Variants in ARID4A observed in about 807,000 individuals in gnomAD.
The protein encoded by ARID4A is AT-rich interaction domain 4A, also known as AT-rich interactive domain-containing protein 4A.
Under a neutral mutation model 148.6 loss-of-function variants are expected in ARID4A, and 39 were observed. That is an observed-to-expected ratio of 0.26 (90% CI 0.20 to 0.34). The LOEUF (loss-of-function observed/expected upper bound fraction) is 0.34. Ranked by LOEUF, ARID4A falls within the 10% of genes least tolerant of loss-of-function variation. The pLI is 1.00. For synonymous variants in ARID4A, 475 were observed against 481.2 expected, an observed-to-expected ratio of 0.99 and a Z score of 0.17; for missense variants, 1,265 against 1,449.1, an observed-to-expected ratio of 0.87 and a Z score of 2.06.
Position 58,364,276 on chromosome 14 carries a change from T to A in ARID4A, c.2187T>A (p.Asp729Glu), listed in dbSNP as rs779800245. The A allele has an allele frequency of 1.9e-6, 3 of 1,556,882 alleles. No homozygotes were observed. Among genetic ancestry groups the A allele is most frequent in the Middle Eastern group, 1.7e-4 (1 of 5,800 alleles). The change falls in exon 20 of 24, where the codon GAT becomes GAA. Residue 729 changes from aspartate (D) to glutamate (E), a missense_variant. Around this residue, in one of 9 missense-constraint regions of ARID4A, gnomAD observed 666 missense variants for 730.9 expected, o/e 0.91. Transcript: ENST00000355431. ...DELEKNENLN[D>E]DKLDEENPKI... The stretch of plus-strand genomic sequence containing the variant: ...TAGAAAAAAATGAAAATTTGAATGA[T>A]GATAAGCTAGATGAAGAAAATCCAA...
chr14:58,308,644 TA>T (rs938549310), intron 5 of ARID4A, among the ~76,000 whole-genome samples: 5 of 152,090 alleles, frequency 3.3e-5, no homozygotes, highest in East Asian at 1.9e-4. Flanking sequence ...CCAGTTGGTT[TA>T]AAAAAAACAG....
intron 5 of ARID4A, among the ~76,000 whole-genome samples, chr14:58,307,449 G>T (rs1221445368): frequency 6.6e-6 from 1 of 152,114 alleles, no homozygotes; most frequent in Non-Finnish European, 1.5e-5. Flanking sequence ...ATTTAGTGTT[G>T]GTTCACAGTG....
chr14:58,347,505 C>T, intron 14 of ARID4A, 142 bp from the exon 15 acceptor site: 4 of 613,834 alleles, frequency 6.5e-6, no homozygotes, highest in Non-Finnish European at 8.0e-6. Flanking sequence ...TCTAAAACAC[C>T]AAGAAAATAG....
chr14:58,362,618 C>T (rs914378651), intron 19 of ARID4A, among the ~76,000 whole-genome samples: 5 of 151,844 alleles, frequency 3.3e-5, no homozygotes, highest in Non-Finnish European at 7.4e-5. Flanking sequence ...AGTATAGTGG[C>T]GCAATCTCAG....
intron 5 of ARID4A, among the ~76,000 whole-genome samples, chr14:58,318,284 G>A (rs2032607206): frequency 6.6e-6 from 1 of 152,126 alleles, no homozygotes; most frequent in Non-Finnish European, 1.5e-5. Flanking sequence ...TTAAGAAGGT[G>A]GTTCTGTAGT....
intron 17 of ARID4A, among the ~76,000 whole-genome samples, chr14:58,358,444 G>T (rs1421202811): frequency 1.3e-5 from 2 of 152,108 alleles, no homozygotes; most frequent in Admixed American, 1.3e-4. Flanking sequence ...GTCAGCCTGG[G>T]TGACAACATT....
chr14:58,330,214 C>T (rs771266904), intron 11 of ARID4A, 45 bp downstream of exon 11: 1 of 1,581,732 alleles, frequency 6.3e-7, no homozygotes, highest in South Asian at 1.2e-5. Context: ...TTAATACTCT[C>T]TAGTGAAAAT....
intron 8 of ARID4A, among the ~76,000 whole-genome samples, chr14:58,326,080 C>T (rs2033191811): frequency 6.6e-6 from 1 of 152,078 alleles, no homozygotes; most frequent in Non-Finnish European, 1.5e-5. Context: ...AAAGCCTTCA[C>T]AAAGCAGGTG....
intron 11 of ARID4A, among the ~76,000 whole-genome samples, chr14:58,341,805 A>C (rs1411672526): frequency 6.6e-6 from 1 of 152,230 alleles, no homozygotes; most frequent in Non-Finnish European, 1.5e-5. Flanking sequence ...AATTATCATC[A>C]TGAATGTGAC....
intron 3 of ARID4A, among the ~76,000 whole-genome samples, chr14:58,304,062 A>T (rs538740943): frequency 2.8e-5 from 4 of 142,440 alleles, no homozygotes; most frequent in East Asian, 2.0e-4. Context: ...GACCCTGCCT[A>T]AAAAAAAAAA....
intron 19 of ARID4A, among the ~76,000 whole-genome samples, chr14:58,362,442 T>C (rs2035174270): frequency 6.6e-6 from 1 of 151,794 alleles, no homozygotes; most frequent in South Asian, 2.1e-4. Context: ...ATTTAAAAAT[T>C]AGCCAGGCAT....
At chr14:58,302,969 ATTT>A (rs1321096617) in intron 3 of ARID4A, among the ~76,000 whole-genome samples, 1 of 151,094 alleles carries the variant, frequency 6.6e-6, no homozygotes, top group African/African-American at 2.4e-5. Context: ...CAAAAAAAAA[ATTT>A]TTTTTTAAGA....
chr14:58,344,816 A>G (rs776244871), intron 12 of ARID4A, 49 bp downstream of exon 12: 10 of 1,360,206 alleles, frequency 7.4e-6, no homozygotes, highest in South Asian at 1.2e-5. Flanking sequence ...TTTCATGTTT[A>G]CATTCTAGGT....
chr14:58,319,938 TTTTTC>T (rs1279590022), intron 7 of ARID4A, among the ~76,000 whole-genome samples: 2 of 150,128 alleles, frequency 1.3e-5, no homozygotes, highest in African/African-American at 2.4e-5. Flanking sequence ...TATACTAATT[TTTTTC>T]TTTTCTTTTT....
chr14:58,319,288 C>G (rs952250863), intron 7 of ARID4A, among the ~76,000 whole-genome samples: 7 of 151,126 alleles, frequency 4.6e-5, no homozygotes, highest in African/African-American at 1.5e-4. Context: ...AGGCTGGTCT[C>G]GAACTCCTGA....
At chr14:58,341,402 GCTGT>G (rs1315774752) in intron 11 of ARID4A, among the ~76,000 whole-genome samples, 1 of 152,206 alleles carries the variant, frequency 6.6e-6, no homozygotes, top group Admixed American at 6.5e-5. Flanking sequence ...TAGCTCCAGG[GCTGT>G]CTACTATTTA....
intron 8 of ARID4A, among the ~76,000 whole-genome samples, chr14:58,327,313 G>A (rs1468521445): frequency 6.6e-6 from 1 of 152,118 alleles, no homozygotes; most frequent in Admixed American, 6.6e-5. Flanking sequence ...TAGTGTTAGG[G>A]AGAGCATGAA....
intron 8 of ARID4A, among the ~76,000 whole-genome samples, chr14:58,327,663 A>G (rs1320476939): frequency 2.0e-5 from 3 of 152,134 alleles, no homozygotes; most frequent in African/African-American, 4.8e-5. Flanking sequence ...TGCTGGTCAC[A>G]TTTGAATTTA....
At chr14:58,335,598 C>A (rs531360485) in intron 11 of ARID4A, among the ~76,000 whole-genome samples, 112 of 152,262 alleles carry the variant, frequency 7.4e-4, no homozygotes, top group Middle Eastern at 6.8e-3. Context: ...CAGGCATGAG[C>A]CACCGTGCCC....
Sources: gnomAD v4.1 joint callset for allele counts (sites outside exome capture counted in the v4.1 genomes callset) on GRCh38, gnomAD v4.1.1 for gene constraint, gnomAD v4.1.1 regional missense constraint, MANE v1.5 for transcripts, NCBI Gene and HGNC (gene_info 2026-07-23, HGNC 2026-07-21) for gene names.